NME7: variants seen among roughly 807,000 people sequenced by gnomAD.
NME7 encodes nucleoside diphosphate kinase 7.
A neutral mutation model predicts 49.1 loss-of-function variants in NME7; 41 were observed. That is an observed-to-expected ratio of 0.83 (90% confidence interval 0.65 to 1.08). NME7 has a LOEUF of 1.08. Among genes scored for constraint, NME7 ranks in the 50% least tolerant of loss-of-function variants. NME7 has a pLI of 0.00. For missense variants in NME7, 423 were observed against 463.4 expected, an observed-to-expected ratio of 0.91 and a Z score of 0.80; for synonymous variants, 139 against 150.6, an observed-to-expected ratio of 0.92 and a Z score of 0.56.
rs547150231 is a variant in NME7 at position 169,345,074 on chromosome 1, A to G, written c.4-20574T>C. On this transcript the variant is annotated intron_variant, in intron 1 of 11. Transcript: ENST00000367811. ...TGAGTTTTAGTAGTTATGTCTTTCA[A>G]TGATTTTGCCCATTTCCTCTAAGTT... Among the ~76,000 whole-genome samples, 26 of 152,226 alleles carry G rather than the reference A, an allele frequency of 1.7e-4. 1 individual carries two copies. The East Asian group carries it at 3.9e-3, about 23-fold the overall frequency.
At chr1:169,283,031 A>G (rs1241364192) in intron 7 of NME7, among the ~76,000 whole-genome samples, 1 of 152,060 alleles carries the variant, frequency 6.6e-6, no homozygotes, top group African/African-American at 2.4e-5. Context: ...GATCTGTCTA[A>G]TATTGACACT....
At chr1:169,297,534 T>A (rs1409562080) in intron 6 of NME7, among the ~76,000 whole-genome samples, 1 of 152,150 alleles carries the variant, frequency 6.6e-6, no homozygotes, top group African/African-American at 2.4e-5. Context: ...AGAAATATGC[T>A]ATTCAAGGAA....
chr1:169,203,397 T>C (rs1660598671), intron 10 of NME7, among the ~76,000 whole-genome samples: 1 of 152,142 alleles, frequency 6.6e-6, no homozygotes, highest in South Asian at 2.1e-4. Context: ...CCTCACTCTT[T>C]GTGTCCACGC....
intron 11 of NME7, among the ~76,000 whole-genome samples, chr1:169,166,163 A>G (rs984730781): frequency 3.0e-4 from 46 of 152,116 alleles, no homozygotes; most frequent in African/African-American, 1.1e-3. Context: ...TATAAATTTC[A>G]TGGTTAATAA....
At chr1:169,252,779 T>A (rs1291905784) in intron 7 of NME7, among the ~76,000 whole-genome samples, 2 of 148,128 alleles carry the variant, frequency 1.4e-5, no homozygotes, top group Non-Finnish European at 3.0e-5. Flanking sequence ...TTTCTACATA[T>A]GGCTAGCCAG....
chr1:169,352,380 C>A (rs898223027), intron 1 of NME7, among the ~76,000 whole-genome samples: 2 of 152,000 alleles, frequency 1.3e-5, no homozygotes, highest in Non-Finnish European at 2.9e-5. Flanking sequence ...ATTCAACATC[C>A]CTTCTTGTTA....
chr1:169,251,668 T>C (rs1648623310), intron 7 of NME7, among the ~76,000 whole-genome samples: 1 of 146,420 alleles, frequency 6.8e-6, no homozygotes, highest in Non-Finnish European at 1.5e-5. Context: ...CACTAACTCA[T>C]CATCTAGCAT....
chr1:169,158,035 A>G (rs1659129392), intron 11 of NME7, among the ~76,000 whole-genome samples: 3 of 152,122 alleles, frequency 2.0e-5, no homozygotes, highest in Admixed American at 2.0e-4. Context: ...GTTCTTTTAC[A>G]AGTTTTAAAA....
intron 11 of NME7, among the ~76,000 whole-genome samples, chr1:169,154,393 A>G (rs1659003325): frequency 6.6e-6 from 1 of 152,212 alleles, no homozygotes; most frequent in Non-Finnish European, 1.5e-5. Context: ...AAATAAAATA[A>G]CATGTGGTAG....
chr1:169,254,231 C>G lies in NME7; in HGVS notation c.755-16544G>C, dbSNP rs570709131. On this transcript the variant is annotated intron_variant, in intron 7 of 11. Coordinates refer to ENST00000367811, the MANE Select transcript of NME7 (RefSeq NM_013330.5). ...GTTGGTAAGCTATTGATTCTTGCCA[C>G]AATTTCAGATCCTGTTATTGTTCTA... 2.6e-4 allele frequency among the ~76,000 whole-genome samples: 40 copies of G among 151,782 alleles called. 1 individual carries two copies. The South Asian group carries it at 3.5e-3, about 13-fold the overall frequency.
At chr1:169,135,140 G>A (rs868519379) in intron 11 of NME7, among the ~76,000 whole-genome samples, 16 of 151,472 alleles carry the variant, frequency 1.1e-4, no homozygotes, top group African/African-American at 2.4e-4. Context: ...TCAAGGCTTC[G>A]GTAAGCCTGG....
At chr1:169,241,966 T>C (rs995837427) in intron 7 of NME7, among the ~76,000 whole-genome samples, 2 of 151,908 alleles carry the variant, frequency 1.3e-5, no homozygotes, top group African/African-American at 4.8e-5. Context: ...ATTTATTTAC[T>C]TAATATGAGA....
chr1:169,327,267 C>T (rs1247335568), intron 1 of NME7, among the ~76,000 whole-genome samples: 1 of 152,182 alleles, frequency 6.6e-6, no homozygotes, highest in Non-Finnish European at 1.5e-5. Context: ...CCTGAAGATT[C>T]CAACTTCTAT....
At chr1:169,355,555 T>C (rs1209731) in intron 1 of NME7, among the ~76,000 whole-genome samples, 147,581 of 150,426 alleles carry the variant, frequency 0.98, 72,417 homozygotes, top group East Asian at 1. Context: ...CCAGTTACAC[T>C]GGCCTTCTTG....
chr1:169,154,030 T>C (rs1251375210), intron 11 of NME7, among the ~76,000 whole-genome samples: 1 of 151,652 alleles, frequency 6.6e-6, no homozygotes, highest in Non-Finnish European at 1.5e-5. Context: ...CATTTTATTT[T>C]TTGAAACAGA....
At chr1:169,152,122 CGA>C (rs1557963574) in intron 11 of NME7, among the ~76,000 whole-genome samples, 1 of 152,056 alleles carries the variant, frequency 6.6e-6, no homozygotes, top group Non-Finnish European at 1.5e-5. Context: ...AGGCCTGACA[CGA>C]AACAGGCCTG....
At position 169,255,894 on chromosome 1, in the gene NME7, C is replaced by T. The variant is rs1160490183; in HGVS notation, c.755-18207G>A. Among the ~76,000 whole-genome samples the T allele has an allele frequency of 4.5e-5, 6 of 133,032 alleles. 1 individual carries two copies. Among genetic ancestry groups the T allele is most frequent in the Non-Finnish European group, 1.1e-4 (6 of 56,722 alleles). 87.3% of individuals were successfully genotyped at this position (133,032 alleles called of 152,430 possible). ...TTTAAGAATGGTGAATATTGGCCCC[C>T]ACTCTCTTCTGGCTTGTAGGGTTTC... is the stretch of plus-strand genomic sequence containing the variant. On this transcript the variant is annotated intron_variant, in intron 7 of 11. Transcript: ENST00000367811.
rs906523415 is a variant in NME7, at chr1:169,252,986, C to A, written c.755-15299G>T. Among the ~76,000 whole-genome samples the A allele has an allele frequency of 3.3e-5, 5 of 149,698 alleles. No individual in the cohort carries two copies. The East Asian group carries it at 7.8e-4, about 23-fold the overall frequency. The stretch of plus-strand genomic sequence containing the variant: ...GTAGCCTTGTAGTATAGTTTGAAGT[C>A]AGGTAGTGTGATGCTTCCAGCTTTG... On this transcript the variant is annotated intron_variant, in intron 7 of 11. Coordinates refer to ENST00000367811, the MANE Select transcript of NME7 (RefSeq NM_013330.5).
chr1:169,246,549 C>A (rs973999373), intron 7 of NME7, among the ~76,000 whole-genome samples: 1 of 152,152 alleles, frequency 6.6e-6, no homozygotes, highest in Non-Finnish European at 1.5e-5. Context: ...AATTTCCTAA[C>A]AAGAACAAGC....
Sources: gnomAD v4.1 joint callset for allele counts (sites outside exome capture counted in the v4.1 genomes callset) on GRCh38, gnomAD v4.1.1 for gene constraint, MANE v1.5 for transcripts, NCBI Gene and HGNC (gene_info 2026-07-23, HGNC 2026-07-21) for gene names.